LINGO2: variants seen among roughly 807,000 people sequenced by gnomAD.
The protein encoded by LINGO2 is leucine-rich repeat and immunoglobulin-like domain-containing nogo receptor-interacting protein 2.
LINGO2 carries 14 observed loss-of-function variants against 30.6 expected under a neutral mutation model. That is an observed-to-expected ratio of 0.46 (90% CI 0.30 to 0.72). The LOEUF (loss-of-function observed/expected upper bound fraction) is 0.72, where lower values mean the gene tolerates loss of function less well. Among genes scored for constraint, LINGO2 ranks in the 30% least tolerant of loss-of-function variants. LINGO2 has a pLI of 0.07. For synonymous variants in LINGO2, 317 were observed against 288.5 expected (o/e 1.10, Z -1.00); for missense variants, 729 against 751.7 (o/e 0.97, Z 0.35).
At chr9:28,284,904 C>T (rs1168569629) in intron 4 of LINGO2, among the ~76,000 whole-genome samples, 1 of 152,080 alleles carries the variant, frequency 6.6e-6, no homozygotes, top group Non-Finnish European at 1.5e-5. Flanking sequence ...GAGAGTATTA[C>T]CTCAAAGTCA....
the LINGO2 span, among the ~76,000 whole-genome samples, chr9:28,827,351 T>A: frequency 6.6e-6 from 1 of 152,184 alleles, no homozygotes; most frequent in African/African-American, 2.4e-5. Context: ...AAACACAATT[T>A]GTAGTTGCAC....
intron 5 of LINGO2, among the ~76,000 whole-genome samples, chr9:28,002,931 C>A (rs1178087528): frequency 6.6e-6 from 1 of 152,080 alleles, no homozygotes; most frequent in Non-Finnish European, 1.5e-5. Context: ...GTGTGCCCTA[C>A]AATGGGATGG....
the LINGO2 span, among the ~76,000 whole-genome samples, chr9:29,064,393 A>T: frequency 6.6e-6 from 1 of 152,120 alleles, no homozygotes; most frequent in Non-Finnish European, 1.5e-5. Flanking sequence ...TCAATGTTAC[A>T]TAAAATAATT....
the LINGO2 span, among the ~76,000 whole-genome samples, chr9:28,979,826 C>T: frequency 2.2e-4 from 33 of 152,154 alleles, no homozygotes; most frequent in African/African-American, 5.5e-4. Context: ...AATAATATAT[C>T]GCTTTTTGAT....
chr9:28,436,530 T>A (rs778201023), intron 2 of LINGO2, among the ~76,000 whole-genome samples: 2 of 152,008 alleles, frequency 1.3e-5, no homozygotes, highest in Non-Finnish European at 2.9e-5. Flanking sequence ...CAGTCTCGGC[T>A]CACTGTAAGC....
At chr9:28,551,457 A>T (rs772798853) in intron 1 of LINGO2, among the ~76,000 whole-genome samples, 14 of 151,986 alleles carry the variant, frequency 9.2e-5, no homozygotes, top group Non-Finnish European at 1.6e-4. Flanking sequence ...AGTTTAATAG[A>T]GGTAGGGTTT....
At chr9:28,829,400 C>T in the LINGO2 span, among the ~76,000 whole-genome samples, 1 of 152,146 alleles carries the variant, frequency 6.6e-6, no homozygotes, top group African/African-American at 2.4e-5. Flanking sequence ...ATCCTCTGCC[C>T]TCGCAAAAAG....
chr9:28,415,453 T>G (rs561050299), intron 2 of LINGO2, among the ~76,000 whole-genome samples: 1 of 152,328 alleles, frequency 6.6e-6, no homozygotes, highest in Non-Finnish European at 1.5e-5. Context: ...AACTCTTTAC[T>G]GCAGCGTGCA....
intron 3 of LINGO2, among the ~76,000 whole-genome samples, chr9:28,307,302 C>T (rs984039763): frequency 1.3e-5 from 2 of 152,102 alleles, no homozygotes; most frequent in African/African-American, 4.8e-5. Context: ...TGTAATCCAG[C>T]ACATAAACAG....
At chr9:28,947,931 A>G in the LINGO2 span, among the ~76,000 whole-genome samples, 1 of 152,012 alleles carries the variant, frequency 6.6e-6, no homozygotes, top group Non-Finnish European at 1.5e-5. Context: ...GAAATGAAAC[A>G]GAAACTCTTG....
the LINGO2 span, among the ~76,000 whole-genome samples, chr9:28,866,555 G>A: frequency 6.6e-6 from 1 of 152,090 alleles, no homozygotes; most frequent in East Asian, 1.9e-4. Context: ...AGAGGAGGAA[G>A]GCCAACACCC....
chr9:28,623,144 C>G (rs1406945348), intron 1 of LINGO2, among the ~76,000 whole-genome samples: 2 of 151,918 alleles, frequency 1.3e-5, no homozygotes, highest in Admixed American at 6.6e-5. Context: ...TGTGGGCTGT[C>G]TCTTCACTTT....
At chr9:28,793,220 T>G in the LINGO2 span, among the ~76,000 whole-genome samples, 1 of 152,112 alleles carries the variant, frequency 6.6e-6, no homozygotes, top group Non-Finnish European at 1.5e-5. Flanking sequence ...AATGACAAAG[T>G]TCACAGAAAC....
the LINGO2 span, among the ~76,000 whole-genome samples, chr9:29,150,140 A>G: frequency 2.0e-5 from 3 of 152,202 alleles, no homozygotes; most frequent in Non-Finnish European, 4.4e-5. Flanking sequence ...ACAGGATAGC[A>G]GCCCAAATCA....
rs188356797 is a variant in LINGO2, at chr9:28,365,834, G to A, written c.-246+7002C>T. 8.6e-4 allele frequency among the ~76,000 whole-genome samples: 125 copies of A among 145,990 alleles called. 1 individual carries two copies. The highest frequency in any genetic ancestry group is 1.9e-4 in the Non-Finnish European group (13 of 67,174). Reference sequence around the variant, plus strand: ...CAATGGGGAAATGAATCCACTTTGAGACTACTCTGGAGGCCTTAGAGGCAG... The same window carrying A: ...CAATGGGGAAATGAATCCACTTTGAAACTACTCTGGAGGCCTTAGAGGCAG... On this transcript the variant is annotated intron_variant, in intron 3 of 5. Transcript: ENST00000379992.
intron 5 of LINGO2, among the ~76,000 whole-genome samples, chr9:27,995,906 A>G (rs1821637273): frequency 6.6e-6 from 1 of 152,192 alleles, no homozygotes; most frequent in African/African-American, 2.4e-5. Context: ...TCCAAATGGG[A>G]AAGAAGTCAA....
chr9:29,213,126 G>A, the LINGO2 span, among the ~76,000 whole-genome samples: 1 of 152,070 alleles, frequency 6.6e-6, no homozygotes, highest in Non-Finnish European at 1.5e-5. Context: ...ATGGAGACCG[G>A]GACCACCTTC....
At chr9:28,381,970 A>G (rs547587184) in intron 2 of LINGO2, among the ~76,000 whole-genome samples, 101 of 152,156 alleles carry the variant, frequency 6.6e-4, no homozygotes, top group African/African-American at 2.1e-3. Context: ...TACAATCAGG[A>G]TATTACAGTG....
At chr9:28,633,951 C>T (rs957400412) in intron 1 of LINGO2, among the ~76,000 whole-genome samples, 3 of 152,156 alleles carry the variant, frequency 2.0e-5, no homozygotes, top group Non-Finnish European at 4.4e-5. Flanking sequence ...CGCTATTACT[C>T]TGTCATAGCT....
Sources: gnomAD v4.1 joint callset for allele counts (sites outside exome capture counted in the v4.1 genomes callset) on GRCh38, gnomAD v4.1.1 for gene constraint, MANE v1.5 for transcripts, NCBI Gene and HGNC (gene_info 2026-07-23, HGNC 2026-07-21) for gene names.